Variants in RANBP2 observed in about 807,000 individuals in gnomAD.
RANBP2 encodes RAN binding protein 2, also known as E3 SUMO-protein ligase RanBP2.
RANBP2 carries 57 observed loss-of-function variants against 303.6 expected under a neutral mutation model. The observed-to-expected ratio is 0.19, with a 90% confidence interval of 0.15 to 0.23. The LOEUF (loss-of-function observed/expected upper bound fraction) is 0.23, where lower values mean the gene tolerates loss of function less well. Ranked by LOEUF, RANBP2 falls within the 10% of genes least tolerant of loss-of-function variation. The pLI is 1.00. For synonymous variants in RANBP2, 1,167 were observed against 1,301.5 expected (o/e 0.90, Z 2.23); for missense variants, 3,138 against 3,780.8 (o/e 0.83, Z 4.46).
At chr2:109,159,822 T>G in the RANBP2 span, among the ~76,000 whole-genome samples, 3 of 152,218 alleles carry the variant, frequency 2.0e-5, no homozygotes, top group Admixed American at 2.0e-4. Context: ...TATGAGAATC[T>G]AACGCCTCAT....
chr2:109,731,820 T>G, the RANBP2 span, among the ~76,000 whole-genome samples: 2 of 151,712 alleles, frequency 1.3e-5, no homozygotes, highest in African/African-American at 4.8e-5. Flanking sequence ...GGTTTGATAC[T>G]TAAGTATTTT....
chr2:108,975,354 C>T, the RANBP2 span, among the ~76,000 whole-genome samples: 34,085 of 152,072 alleles, frequency 0.22, 4,006 homozygotes, highest in Middle Eastern at 0.31. Context: ...AGGCTGGGGG[C>T]AAGGGAGCTT....
At chr2:109,645,693 A>G in the RANBP2 span, among the ~76,000 whole-genome samples, 1 of 152,168 alleles carries the variant, frequency 6.6e-6, no homozygotes, top group Non-Finnish European at 1.5e-5. Context: ...AAATATGTGG[A>G]CAAACCTCTT....
At chr2:109,154,248 G>A in the RANBP2 span, among the ~76,000 whole-genome samples, 1 of 152,182 alleles carries the variant, frequency 6.6e-6, no homozygotes, top group Non-Finnish European at 1.5e-5. Context: ...GCCTCACTTG[G>A]GTGACCACAT....
chr2:109,385,566 G>A, the RANBP2 span, among the ~76,000 whole-genome samples: 1 of 152,256 alleles, frequency 6.6e-6, no homozygotes, highest in African/African-American at 2.4e-5. Flanking sequence ...GAACTGTCCA[G>A]GGCAAAGGAG....
the RANBP2 span, among the ~76,000 whole-genome samples, chr2:109,082,764 A>T: frequency 6.6e-6 from 1 of 151,708 alleles, no homozygotes; most frequent in Non-Finnish European, 1.5e-5. Context: ...GCAGTGCACT[A>T]TGATGGCACC....
chr2:109,039,854 T>G, the RANBP2 span, among the ~76,000 whole-genome samples: 1 of 152,226 alleles, frequency 6.6e-6, no homozygotes, highest in Non-Finnish European at 1.5e-5. Context: ...TGTAGGCATT[T>G]AAAATATATT....
the RANBP2 span, among the ~76,000 whole-genome samples, chr2:108,972,047 G>A: frequency 5.3e-5 from 8 of 152,292 alleles, no homozygotes; most frequent in South Asian, 2.1e-4. Flanking sequence ...GCCTGGCCTG[G>A]CCCGCAGATG....
the RANBP2 span, among the ~76,000 whole-genome samples, chr2:109,761,653 A>G: frequency 2.8e-5 from 4 of 145,240 alleles, no homozygotes; most frequent in Non-Finnish European, 6.0e-5. Flanking sequence ...TGCTCCCCCC[A>G]ACCCGCCACT....
the RANBP2 span, among the ~76,000 whole-genome samples, chr2:109,314,419 A>C: frequency 1.3e-5 from 2 of 152,202 alleles, no homozygotes; most frequent in African/African-American, 4.8e-5. Flanking sequence ...TGGTATAGCC[A>C]GGGAGCAGAG....
At chr2:108,931,730 T>G in the RANBP2 span, among the ~76,000 whole-genome samples, 2 of 150,310 alleles carry the variant, frequency 1.3e-5, no homozygotes, top group Non-Finnish European at 3.0e-5. Context: ...TTTTTTTTTC[T>G]TTTTTTTTGC....
the RANBP2 span, among the ~76,000 whole-genome samples, chr2:109,386,012 C>T: frequency 2.0e-5 from 3 of 152,158 alleles, no homozygotes; most frequent in Non-Finnish European, 4.4e-5. Flanking sequence ...ATTCTTCATA[C>T]CCTGTTCTTG....
chr2:109,146,160 A>G, the RANBP2 span, among the ~76,000 whole-genome samples: 1 of 152,198 alleles, frequency 6.6e-6, no homozygotes, highest in Non-Finnish European at 1.5e-5. Flanking sequence ...TTTTCATTAG[A>G]ATACGTATTA....
At chr2:108,804,762 T>G in the RANBP2 span, 7 of 761,968 alleles carry the variant, frequency 9.2e-6, no homozygotes, top group South Asian at 4.8e-5. Flanking sequence ...TCACTTGTGC[T>G]TGCATACACT....
At position 108,722,994 on chromosome 2, in the gene RANBP2, T is replaced by C. The variant is rs1694393334; in HGVS notation, c.72+3316T>C. Among the ~76,000 whole-genome samples the C allele has an allele frequency of 2.6e-5, 4 of 152,256 alleles. No individual in the cohort carries two copies. In the South Asian group the frequency reaches 6.2e-4, roughly 24 times the overall value. On this transcript the variant is annotated intron_variant, in intron 1 of 28. Transcript: ENST00000283195. ...TATGTTCTGTCAAGTTGATTTCTTA[T>C]TCTGCAGCTGATTCCTACTTCTCAA...
chr2:108,846,689 A>G, the RANBP2 span: 4 of 1,498,814 alleles, frequency 2.7e-6, no homozygotes, highest in Non-Finnish European at 3.6e-6. Context: ...AAAAAAAGAT[A>G]TATTCTGAAC....
the RANBP2 span, among the ~76,000 whole-genome samples, chr2:109,709,403 T>C: frequency 2.0e-5 from 3 of 151,658 alleles, no homozygotes; most frequent in African/African-American, 7.2e-5. Flanking sequence ...ACTTTAGCTT[T>C]GCTGCCTGCT....
the RANBP2 span, among the ~76,000 whole-genome samples, chr2:109,548,494 T>C: frequency 1.3e-5 from 2 of 152,156 alleles, no homozygotes; most frequent in Non-Finnish European, 1.5e-5. Flanking sequence ...ATGTTATCTT[T>C]TTCTAAGACA....
At chr2:109,161,708 G>A in the RANBP2 span, among the ~76,000 whole-genome samples, 10 of 151,888 alleles carry the variant, frequency 6.6e-5, no homozygotes, top group Admixed American at 6.6e-5. Context: ...AGAGGAAGCC[G>A]GGAGCAGGAC....
Sources: allele counts gnomAD v4.1 joint callset (sites outside exome capture counted in the v4.1 genomes callset), GRCh38; gene constraint gnomAD v4.1.1; transcripts MANE v1.5; gene names NCBI Gene and HGNC (gene_info 2026-07-23, HGNC 2026-07-21).